Variants in SYNGR1 observed in about 807,000 individuals in gnomAD.
The protein encoded by SYNGR1 is synaptogyrin 1.
A neutral mutation model predicts 26.1 loss-of-function variants in SYNGR1; 14 were observed. That is an observed-to-expected ratio of 0.54 (90% CI 0.35 to 0.84). SYNGR1 has a LOEUF of 0.84. Ranked by LOEUF, SYNGR1 falls within the 40% of genes least tolerant of loss-of-function variation. The pLI, the probability that SYNGR1 is intolerant of heterozygous loss-of-function variation, is 0.01. For synonymous variants in SYNGR1, 141 were observed against 150.1 expected (o/e 0.94, Z 0.44); for missense variants, 319 against 332.9 (o/e 0.96, Z 0.33).
chr22:39,366,030 C>T lies in SYNGR1; in HGVS notation c.100-8286C>T, dbSNP rs563978534. ...TTTTTTTTTTTGAGACAGGGTCTCC[C>T]TCTGTCCCCCAGGCTGGAGTATAGT... On this transcript the variant is annotated intron_variant, in intron 1 of 3. Transcript: ENST00000328933. 2.2e-4 allele frequency among the ~76,000 whole-genome samples: 24 copies of T among 110,250 alleles called. No individual in the cohort carries two copies. The South Asian group carries it at 9.4e-3, about 43-fold the overall frequency. 72.3% of individuals were successfully genotyped at this position (110,250 alleles called of 152,430 possible).
rs146561326 is a variant in SYNGR1, at chr22:39,373,668, G to A, written c.100-648G>A. Among the ~76,000 whole-genome samples, 1,149 of 148,828 alleles carry A rather than the reference G, an allele frequency of 7.7e-3. 21 individuals carry two copies. Among genetic ancestry groups the A allele is most frequent in the African/African-American group, 0.027 (1,089 of 40,398 alleles). On this transcript the variant is annotated intron_variant, in intron 1 of 3. Coordinates refer to ENST00000328933, the MANE Select transcript of SYNGR1 (RefSeq NM_004711.5). ...GGGTAATTTTTTTATTTTTTAGTAG[G>A]GGCGGGGTTTTGCCATGTTGCCCAG...
Position 39,372,123 on chromosome 22 carries a change from C to CTTT in SYNGR1, c.100-2170_100-2168dup, listed in dbSNP as rs71197177. Among the ~76,000 whole-genome samples, 371 of 70,118 alleles carry CTTT rather than the reference C, an allele frequency of 5.3e-3. 1 individual carries two copies. The highest frequency in any genetic ancestry group is 5.9e-3 in the Non-Finnish European group (228 of 38,648). 46.0% of individuals were successfully genotyped at this position (70,118 alleles called of 152,430 possible). On this transcript the variant is annotated intron_variant, in intron 1 of 3. Coordinates refer to ENST00000328933, the MANE Select transcript of SYNGR1 (RefSeq NM_004711.5). Reference sequence around the variant, plus strand: ...AGGCTCAACTGAGGGTAGATCCATTCTTTTTTTTTTTTTTTTTTTTTTTTT... The same window carrying CTTT: ...AGGCTCAACTGAGGGTAGATCCATTCTTTTTTTTTTTTTTTTTTTTTTTTTTTT...
chr22:39,378,529 G>C (rs1211213717), intron 3 of SYNGR1: 1 of 913,612 alleles, frequency 1.1e-6, no homozygotes, highest in African/African-American at 1.8e-5. Flanking sequence ...GAGGCCCCCA[G>C]CTGCCTGGGC....
At chr22:39,358,502 G>A (rs1569175189) in intron 1 of SYNGR1, among the ~76,000 whole-genome samples, 1 of 152,132 alleles carries the variant, frequency 6.6e-6, no homozygotes, top group African/African-American at 2.4e-5. Context: ...CACCGCGAAG[G>A]TCTGCAGCTT....
rs771902628 is a variant in SYNGR1, at chr22:39,376,009, A to G, written c.338-43A>G. ...TTTCTCCCCACTCACCCTCTCCCCC[A>G]TGTGTGGCACTGCCTATTCTGCCCG... On this transcript the variant is annotated intron_variant, in intron 2 of 3. Transcript: ENST00000328933. 10 of 1,612,606 alleles carry G rather than the reference A, an allele frequency of 6.2e-6. No individual in the cohort carries two copies. In the Admixed American group the frequency reaches 1.7e-4, roughly 27 times the overall value.
chr22:39,380,084 T>C (rs1287481211), intron 3 of SYNGR1: 1 of 151,652 alleles, frequency 6.6e-6, no homozygotes, highest in Non-Finnish European at 1.5e-5. Context: ...TTAATAACAA[T>C]GTAATTGCTT....
chr22:39,349,991 A>T lies in SYNGR1; in HGVS notation c.-20A>T. 2.8e-6 allele frequency: 3 copies of T among 1,086,982 alleles called. No homozygotes were observed. Among genetic ancestry groups the T allele is most frequent in the Non-Finnish European group, 3.4e-6 (3 of 869,650 alleles). 67.3% of individuals were successfully genotyped at this position (1,086,982 alleles called of 1,614,324 possible). On this transcript the variant is annotated 5_prime_UTR_variant, in exon 1 of 4. Coordinates refer to ENST00000328933, the MANE Select transcript of SYNGR1 (RefSeq NM_004711.5). The stretch of plus-strand genomic sequence containing the variant: ...CGGCGGCGCGCGCCGAGCGGGGGGC[A>T]CCGCGCGGGTGCAGCCACGATGGAA...
At chr22:39,381,592 C>A in intron 3 of SYNGR1, 104 bp from the exon 4 acceptor site, 1 of 1,166,826 alleles carries the variant, frequency 8.6e-7, no homozygotes, top group Non-Finnish European at 1.3e-6. Context: ...CCCTCTCCTG[C>A]CTGTGTCCTG....
intron 1 of SYNGR1, among the ~76,000 whole-genome samples, chr22:39,368,288 CAA>C (rs1459263231): frequency 6.6e-6 from 1 of 152,186 alleles, no homozygotes; most frequent in African/African-American, 2.4e-5. Flanking sequence ...AACTGAGGCT[CAA>C]GAGGTTAAGT....
intron 1 of SYNGR1, among the ~76,000 whole-genome samples, chr22:39,356,307 G>A (rs898907531): frequency 9.9e-5 from 15 of 152,208 alleles, no homozygotes; most frequent in African/African-American, 3.4e-4. Flanking sequence ...CGCCTGCCCC[G>A]GCCTCCCAAA....
intron 1 of SYNGR1, among the ~76,000 whole-genome samples, chr22:39,368,289 A>C (rs1668065795): frequency 6.6e-6 from 1 of 152,186 alleles, no homozygotes. Flanking sequence ...ACTGAGGCTC[A>C]AGAGGTTAAG....
chr22:39,351,247 A>C (rs1163711421), intron 1 of SYNGR1, among the ~76,000 whole-genome samples: 1 of 152,198 alleles, frequency 6.6e-6, no homozygotes, highest in Non-Finnish European at 1.5e-5. Context: ...GGCTACCCCA[A>C]GGCCAGCTGT....
chr22:39,374,751 C>T (rs758823862), intron 2 of SYNGR1, 198 bp downstream of exon 2: 21 of 631,958 alleles, frequency 3.3e-5, no homozygotes, highest in Non-Finnish European at 5.6e-5. Context: ...CAAAATAACC[C>T]ATGCTGCCCA....
intron 1 of SYNGR1, among the ~76,000 whole-genome samples, chr22:39,360,067 GC>G (rs1489783805): frequency 5.9e-5 from 9 of 152,052 alleles, no homozygotes; most frequent in Non-Finnish European, 8.8e-5. Context: ...CATCACACTC[GC>G]CTGGCACAGC....
chr22:39,365,564 G>A (rs1265855996), intron 1 of SYNGR1, among the ~76,000 whole-genome samples: 1 of 152,310 alleles, frequency 6.6e-6, no homozygotes, highest in South Asian at 2.1e-4. Flanking sequence ...GTGCTTTGGG[G>A]GAGCTCCCAC....
At position 39,361,735 on chromosome 22, in the gene SYNGR1, C is replaced by T. The variant is rs528812285; in HGVS notation, c.99+11626C>T. On this transcript the variant is annotated intron_variant, in intron 1 of 3. Transcript: ENST00000328933. ...CATCTATAAAATGGGTACAACAGCGCCTACCCCAGGAGTCTCGGGGCATGT... is the reference window on the plus strand; with the variant it reads ...CATCTATAAAATGGGTACAACAGCGTCTACCCCAGGAGTCTCGGGGCATGT... Among the ~76,000 whole-genome samples, 5 of 152,130 alleles carry T rather than the reference C, an allele frequency of 3.3e-5. No individual in the cohort carries two copies. The East Asian group carries it at 9.7e-4, about 29-fold the overall frequency.
chr22:39,376,035 G>C lies in SYNGR1; in HGVS notation c.338-17G>C, dbSNP rs1317825546. 2 of 1,613,940 alleles carry C rather than the reference G, an allele frequency of 1.2e-6. No individual in the cohort carries two copies. The highest frequency in any genetic ancestry group is 3.3e-5 in the Admixed American group (2 of 59,988). Reference sequence around the variant, plus strand: ...TGTGTGGCACTGCCTATTCTGCCCGGTCCTGGGACCCCCCAGCCTTCTGGG... The same window carrying C: ...TGTGTGGCACTGCCTATTCTGCCCGCTCCTGGGACCCCCCAGCCTTCTGGG... On this transcript the variant is annotated splice_polypyrimidine_tract_variant and intron_variant, in intron 2 of 3. Transcript: ENST00000328933.
chr22:39,374,534 G>T lies in SYNGR1; in HGVS notation c.318G>T (p.Leu106=). 1 of 1,613,500 alleles carries T rather than the reference G, an allele frequency of 6.2e-7. No individual in the cohort carries two copies. The highest frequency in any genetic ancestry group is 1.3e-5 in the African/African-American group (1 of 75,052). ...TCAAGGACCGCAAGAAAGCCGTCCTGTCCGACATCGGTGTCTCGGGTGAGC... is the reference window on the plus strand; with the variant it reads ...TCAAGGACCGCAAGAAAGCCGTCCTTTCCGACATCGGTGTCTCGGGTGAGC... ...SSVKDRKKAV[L]SDIGVSAFWA... is the part of the protein sequence containing the mutation. The change falls in exon 2 of 4, where the codon CTG becomes CTT. Residue 106 remains leucine, a synonymous_variant. Coordinates refer to ENST00000328933, the MANE Select transcript of SYNGR1 (RefSeq NM_004711.5).
intron 1 of SYNGR1, among the ~76,000 whole-genome samples, chr22:39,359,989 C>T (rs1486220051): frequency 6.6e-6 from 1 of 152,204 alleles, no homozygotes; most frequent in Non-Finnish European, 1.5e-5. Context: ...CCCTCACCAC[C>T]CCTTGGTCCC....
Sources: allele counts gnomAD v4.1 joint callset (sites outside exome capture counted in the v4.1 genomes callset), GRCh38; gene constraint gnomAD v4.1.1; transcripts MANE v1.5; gene names NCBI Gene and HGNC (gene_info 2026-07-23, HGNC 2026-07-21).